DYM: variants seen among roughly 807,000 people sequenced by gnomAD.
DYM encodes dyggve-Melchior-Clausen syndrome protein.
DYM carries 78 observed loss-of-function variants against 93.1 expected under a neutral mutation model. The ratio of observed to expected loss-of-function variants is 0.84; its 90% CI spans 0.70 to 1.01. The LOEUF is 1.01. Among genes scored for constraint, DYM ranks in the 50% least tolerant of loss-of-function variants. DYM has a pLI of 0.00. For missense variants in DYM, 789 were observed against 845.0 expected (o/e 0.93, Z 0.82); for synonymous variants, 321 against 319.7 (o/e 1.00, Z -0.04).
At chr18:49,189,134 C>G (rs549695251) in intron 14 of DYM, among the ~76,000 whole-genome samples, 1 of 152,090 alleles carries the variant, frequency 6.6e-6, no homozygotes, top group African/African-American at 2.4e-5. Context: ...ATGGGAATAA[C>G]AGAAACTGAG....
intron 1 of DYM, among the ~76,000 whole-genome samples, chr18:49,433,235 A>G (rs1313557874): frequency 6.6e-6 from 1 of 152,238 alleles, no homozygotes; most frequent in Admixed American, 6.5e-5. Context: ...GTGGAATGTT[A>G]CAATACTGTA....
chr18:49,111,790 C>A (rs2081419708), intron 16 of DYM, among the ~76,000 whole-genome samples: 1 of 152,160 alleles, frequency 6.6e-6, no homozygotes, highest in African/African-American at 2.4e-5. Flanking sequence ...ACTTGCTAGG[C>A]TGGTGGCAGA....
intron 17 of DYM, among the ~76,000 whole-genome samples, chr18:49,083,209 C>T (rs1320142985): frequency 1.3e-5 from 2 of 152,160 alleles, no homozygotes; most frequent in African/African-American, 4.8e-5. Flanking sequence ...ACATAGGTGG[C>T]AGGCAGGATT....
chr18:49,261,764 T>C lies in DYM; in HGVS notation c.1252-3271A>G, dbSNP rs187300460. Among the ~76,000 whole-genome samples the C allele has an allele frequency of 2.1e-4, 32 of 152,344 alleles. 1 individual carries two copies. In the East Asian group the frequency reaches 5.8e-3, roughly 28 times the overall value. ...GTACAAAAAACAATTGACATCTATATGCCCACAATTCACATTACCAACTGT... is the reference window on the plus strand; with the variant it reads ...GTACAAAAAACAATTGACATCTATACGCCCACAATTCACATTACCAACTGT... On this transcript the variant is annotated intron_variant, in intron 11 of 17. Transcript: ENST00000675505.
At chr18:49,058,797 A>G (rs1474550307) in intron 17 of DYM, among the ~76,000 whole-genome samples, 1 of 152,214 alleles carries the variant, frequency 6.6e-6, no homozygotes, top group Non-Finnish European at 1.5e-5. Flanking sequence ...AATAATCAAC[A>G]TACTATAATA....
At chr18:49,441,321 T>TATATATAATATAATTATATATAATTA in intron 1 of DYM, among the ~76,000 whole-genome samples, 1 of 75,338 alleles carries the variant, frequency 1.3e-5, no homozygotes, top group Non-Finnish European at 2.4e-5. Flanking sequence ...AATATATAAT[T>TATATATAATATAATTATATATAATTA]ATATATAATA....
At chr18:49,157,785 TTTTTC>T (rs1168807436) in intron 15 of DYM, among the ~76,000 whole-genome samples, 1 of 152,258 alleles carries the variant, frequency 6.6e-6, no homozygotes, top group Non-Finnish European at 1.5e-5. Context: ...AATTTATCTA[TTTTTC>T]TTTTGTCACT....
At chr18:49,126,386 A>G (rs1398894352) in intron 15 of DYM, 2 of 152,232 alleles carry the variant, frequency 1.3e-5, no homozygotes, top group African/African-American at 4.8e-5. Flanking sequence ...CTCAACAACT[A>G]TAATTTCCCA....
chr18:49,201,242 C>T (rs1054695486), intron 14 of DYM, among the ~76,000 whole-genome samples: 1 of 152,160 alleles, frequency 6.6e-6, no homozygotes, highest in Non-Finnish European at 1.5e-5. Context: ...GAAGTAATAA[C>T]ACAGTTCCTA....
intron 14 of DYM, chr18:49,206,108 C>T (rs1057335039): frequency 4.3e-6 from 1 of 234,382 alleles, no homozygotes; most frequent in Non-Finnish European, 8.1e-6. Context: ...AAGCGATTCT[C>T]CTGCCTCAGA....
intron 16 of DYM, among the ~76,000 whole-genome samples, chr18:49,104,890 C>G (rs2080617974): frequency 6.6e-6 from 1 of 152,170 alleles, no homozygotes; most frequent in African/African-American, 2.4e-5. Context: ...TGTGTCTCCG[C>G]CAGGCTTTGG....
chr18:49,395,487 G>C (rs950001725), intron 2 of DYM, among the ~76,000 whole-genome samples: 4 of 152,062 alleles, frequency 2.6e-5, no homozygotes, highest in Non-Finnish European at 5.9e-5. Flanking sequence ...AAATAAGCCA[G>C]GTGTGGTGGC....
At chr18:49,084,794 AGGAAAATATAGTGCAT>A (rs894704513) in intron 17 of DYM, among the ~76,000 whole-genome samples, 3 of 152,238 alleles carry the variant, frequency 2.0e-5, no homozygotes, top group African/African-American at 7.2e-5. Flanking sequence ...AAAGTTGCAA[AGGAAAATATAGTGCAT>A]GGTTTCATTT....
chr18:49,078,180 A>G (rs1311310555), intron 17 of DYM, among the ~76,000 whole-genome samples: 4 of 152,154 alleles, frequency 2.6e-5, no homozygotes, highest in Admixed American at 6.5e-5. Context: ...ACAGATAATA[A>G]TATATTACTT....
In DYM at chr18:49,040,112, G is replaced by A. The variant is rs374674453; in HGVS notation, c.*3943C>T. ...AAGTTGAACTGCACTACCCATGAGG[G>A]ATAGTCCAATGACAGTAATGGAGGA... On this transcript the variant is annotated 3_prime_UTR_variant, in exon 18 of 18. Transcript: ENST00000675505. 35 of 152,342 alleles carry A rather than the reference G, an allele frequency of 2.3e-4. No homozygotes were observed. The highest frequency in any genetic ancestry group is 7.7e-4 in the African/African-American group (32 of 41,566). 9.4% of individuals were successfully genotyped at this position (152,342 alleles called of 1,614,324 possible). A position where few individuals can be genotyped will look rare whatever the true frequency, so the allele number is the denominator to read the frequency against.
At chr18:49,228,145 C>CA (rs1260384281) in intron 13 of DYM, among the ~76,000 whole-genome samples, 3 of 152,128 alleles carry the variant, frequency 2.0e-5, no homozygotes, top group African/African-American at 7.2e-5. Context: ...CACTATAGTG[C>CA]TTGGCATAAG....
intron 13 of DYM, among the ~76,000 whole-genome samples, chr18:49,234,589 C>T (rs1401848145): frequency 5.3e-5 from 8 of 152,130 alleles, no homozygotes; most frequent in Non-Finnish European, 1.5e-5. Context: ...GGGGATGGTG[C>T]ATCTGAAAAG....
rs1207449472 is a variant in DYM, at chr18:49,452,697, C to T, written c.-54+7701G>A. ...TCCCTGACGAGCGCCGCTCCCTGCT[C>T]CCCAGCGCCTGGTCCCATCAACCGC... is the stretch of plus-strand genomic sequence containing the variant. On this transcript the variant is annotated intron_variant, in intron 1 of 17. Transcript: ENST00000675505. 3.5e-4 allele frequency among the ~76,000 whole-genome samples: 27 copies of T among 77,854 alleles called. 5 individuals carry two copies. The highest frequency in any genetic ancestry group is 8.6e-4 in the South Asian group (2 of 2,316). 51.1% of individuals were successfully genotyped at this position (77,854 alleles called of 152,430 possible). A position where few individuals can be genotyped will look rare whatever the true frequency, so the allele number is the denominator to read the frequency against.
At chr18:49,325,132 G>T (rs1035692219) in intron 8 of DYM, among the ~76,000 whole-genome samples, 2 of 152,138 alleles carry the variant, frequency 1.3e-5, no homozygotes, top group Admixed American at 6.5e-5. Flanking sequence ...AGGCTCCCAG[G>T]CACCTCCCAC....
Sources: allele counts gnomAD v4.1 joint callset (sites outside exome capture counted in the v4.1 genomes callset), GRCh38; gene constraint gnomAD v4.1.1; transcripts MANE v1.5; gene names NCBI Gene and HGNC (gene_info 2026-07-23, HGNC 2026-07-21).